Variants in RALYL observed in about 807,000 individuals in gnomAD.
RALYL encodes the protein RALY RNA binding protein like.
In RALYL, 29 loss-of-function variants were observed where a neutral mutation model predicts 35.1. The ratio of observed to expected loss-of-function variants is 0.83; its 90% CI spans 0.61 to 1.13. The LOEUF is 1.13. RALYL is among the 50% of genes most tolerant of loss of function. The pLI, the probability that RALYL is intolerant of heterozygous loss-of-function variation, is 0.00. For synonymous variants in RALYL, 120 were observed against 127.6 expected (o/e 0.94, Z 0.40); for missense variants, 359 against 360.4 (o/e 1.00, Z 0.03).
At chr8:84,470,063 C>T (rs539981497) in intron 1 of RALYL, among the ~76,000 whole-genome samples, 6 of 152,276 alleles carry the variant, frequency 3.9e-5, no homozygotes, top group South Asian at 4.1e-4. Flanking sequence ...GAGATGCACC[C>T]GGTACCTCAG....
At chr8:84,805,772 G>C (rs1419273873) in intron 4 of RALYL, among the ~76,000 whole-genome samples, 2 of 152,176 alleles carry the variant, frequency 1.3e-5, no homozygotes, top group African/African-American at 4.8e-5. Flanking sequence ...TTCAAACTAA[G>C]AATAAGCAAT....
intron 1 of RALYL, among the ~76,000 whole-genome samples, chr8:84,209,994 A>T (rs1006605141): frequency 4.6e-5 from 7 of 152,128 alleles, no homozygotes; most frequent in Admixed American, 4.6e-4. Flanking sequence ...TACTTTTCTC[A>T]TATGGAAAAC....
chr8:84,861,725 T>A (rs995861271), intron 5 of RALYL, among the ~76,000 whole-genome samples: 7 of 152,224 alleles, frequency 4.6e-5, no homozygotes, highest in African/African-American at 1.7e-4. Flanking sequence ...GAGACTTTGT[T>A]ACTGAAAAGA....
intron 8 of RALYL, among the ~76,000 whole-genome samples, chr8:84,916,963 T>TTCTTCC (rs1848575845): frequency 6.6e-6 from 1 of 152,126 alleles, no homozygotes; most frequent in Non-Finnish European, 1.5e-5. Flanking sequence ...AAGTTCCTCC[T>TTCTTCC]TTTTCCTTTT....
At chr8:84,544,523 G>A (rs2060228493) in intron 2 of RALYL, among the ~76,000 whole-genome samples, 1 of 150,564 alleles carries the variant, frequency 6.6e-6, no homozygotes, top group East Asian at 2.0e-4. Context: ...TGCTCCATGT[G>A]CCATAGTTTA....
intron 2 of RALYL, among the ~76,000 whole-genome samples, chr8:84,576,225 C>G (rs1353274520): frequency 6.6e-6 from 1 of 151,978 alleles, no homozygotes; most frequent in Non-Finnish European, 1.5e-5. Context: ...ATTTCATATA[C>G]TGTGAAATTT....
At chr8:84,395,966 G>T (rs1861670681) in intron 1 of RALYL, among the ~76,000 whole-genome samples, 1 of 151,790 alleles carries the variant, frequency 6.6e-6, no homozygotes, top group African/African-American at 2.4e-5. Flanking sequence ...CTAATTTGAA[G>T]TTTTGCTAAT....
At chr8:84,502,047 T>C (rs1432959808) in intron 1 of RALYL, among the ~76,000 whole-genome samples, 1 of 151,776 alleles carries the variant, frequency 6.6e-6, no homozygotes, top group Non-Finnish European at 1.5e-5. Context: ...TATATAACAA[T>C]CCAATCAAAA....
chr8:84,418,209 A>G (rs2044964486), intron 1 of RALYL, among the ~76,000 whole-genome samples: 1 of 152,144 alleles, frequency 6.6e-6, no homozygotes, highest in Admixed American at 6.6e-5. Context: ...TTGGGTTTTA[A>G]TTGTGACTCT....
At chr8:84,466,647 G>T (rs1039245074) in intron 1 of RALYL, among the ~76,000 whole-genome samples, 1 of 150,974 alleles carries the variant, frequency 6.6e-6, no homozygotes, top group African/African-American at 2.4e-5. Context: ...TCAGAATGAT[G>T]CTGGCCTCAT....
chr8:84,220,758 C>T (rs1483004907), intron 1 of RALYL, among the ~76,000 whole-genome samples: 1 of 151,856 alleles, frequency 6.6e-6, no homozygotes, highest in Non-Finnish European at 1.5e-5. Flanking sequence ...TTGTAAACCA[C>T]AGACTGGAAA....
chr8:84,294,677 A>T (rs530128493), intron 1 of RALYL, among the ~76,000 whole-genome samples: 14 of 152,204 alleles, frequency 9.2e-5, no homozygotes, highest in African/African-American at 3.1e-4. Flanking sequence ...GTTATAACAA[A>T]GGTCACCGAC....
intron 1 of RALYL, among the ~76,000 whole-genome samples, chr8:84,526,847 C>G (rs1172753631): frequency 6.6e-6 from 1 of 152,146 alleles, no homozygotes; most frequent in Non-Finnish European, 1.5e-5. Context: ...TTCCTTGTCT[C>G]TTCTTTCTCA....
chr8:84,391,898 C>A (rs1246609665), intron 1 of RALYL, among the ~76,000 whole-genome samples: 1 of 151,988 alleles, frequency 6.6e-6, no homozygotes, highest in Non-Finnish European at 1.5e-5. Flanking sequence ...CTGTGAAGGT[C>A]TCACTTTTGT....
At chr8:84,619,112 AC>A (rs1820604536) in intron 2 of RALYL, among the ~76,000 whole-genome samples, 1 of 150,920 alleles carries the variant, frequency 6.6e-6, no homozygotes, top group African/African-American at 2.5e-5. Flanking sequence ...TATTAGGTCC[AC>A]TTGGTGCAGA....
intron 1 of RALYL, among the ~76,000 whole-genome samples, chr8:84,458,038 T>A (rs2050334961): frequency 6.6e-6 from 1 of 151,846 alleles, no homozygotes; most frequent in Admixed American, 6.6e-5. Context: ...AATTGTTGAA[T>A]ATAAATAGCC....
chr8:84,525,953 C>CTTTTTTTTTTTTTTTTTTTTTT (rs35794329), intron 1 of RALYL, among the ~76,000 whole-genome samples: 11 of 104,866 alleles, frequency 1.0e-4, no homozygotes, highest in Admixed American at 2.1e-4. Flanking sequence ...TTTCTTTTTT[C>CTTTTTTTTTTTTTTTTTTTTTT]TTTTTTTTTT....
chr8:84,569,014 G>C (rs1807221234), intron 2 of RALYL, among the ~76,000 whole-genome samples: 1 of 148,742 alleles, frequency 6.7e-6, no homozygotes, highest in African/African-American at 2.5e-5. Flanking sequence ...TCACTCTGAT[G>C]GTAGTTTCTT....
chr8:84,346,165 A>G (rs1849794255), intron 1 of RALYL: 1 of 580,636 alleles, frequency 1.7e-6, no homozygotes, highest in African/African-American at 2.0e-5. Context: ...GTGTTCAACA[A>G]ATGTTTGAAT....
Sources: gnomAD v4.1 joint callset for allele counts (sites outside exome capture counted in the v4.1 genomes callset) on GRCh38, gnomAD v4.1.1 for gene constraint, MANE v1.5 for transcripts, NCBI Gene and HGNC (gene_info 2026-07-23, HGNC 2026-07-21) for gene names.